ADGRL2: variants seen among roughly 807,000 people sequenced by gnomAD.
ADGRL2 encodes adhesion G protein-coupled receptor L2.
In ADGRL2, 44 loss-of-function variants were observed where a neutral mutation model predicts 157.4. That is an observed-to-expected ratio of 0.28 (90% confidence interval 0.22 to 0.36). The LOEUF is 0.36. Ranked by LOEUF, ADGRL2 falls within the 10% of genes least tolerant of loss-of-function variation. The pLI is 1.00. For synonymous variants in ADGRL2, 585 were observed against 624.7 expected (o/e 0.94, Z 0.95); for missense variants, 1,510 against 1,768.9 (o/e 0.85, Z 2.63).
intron 2 of ADGRL2, among the ~76,000 whole-genome samples, chr1:81,490,522 T>C (rs1037836660): frequency 2.0e-5 from 3 of 152,202 alleles, no homozygotes; most frequent in Non-Finnish European, 4.4e-5. Context: ...TTAAATAGTG[T>C]ACCCAAATAG....
intron 2 of ADGRL2, among the ~76,000 whole-genome samples, chr1:81,483,504 A>C (rs978909600): frequency 6.6e-6 from 1 of 152,212 alleles, no homozygotes; most frequent in Non-Finnish European, 1.5e-5. Context: ...AGCTACTTCT[A>C]TTTCAAGTAA....
At chr1:81,605,979 C>A (rs2081424154) in intron 3 of ADGRL2, among the ~76,000 whole-genome samples, 2 of 152,066 alleles carry the variant, frequency 1.3e-5, no homozygotes, top group African/African-American at 4.8e-5. Context: ...TATTAATGGC[C>A]AATTGTAAAT....
At chr1:81,878,690 A>G (rs937392534) in intron 2 of ADGRL2, among the ~76,000 whole-genome samples, 6 of 152,222 alleles carry the variant, frequency 3.9e-5, no homozygotes, top group African/African-American at 1.4e-4. Context: ...TCAAATTAAC[A>G]GGTCATTCTT....
chr1:81,470,711 T>A (rs1463124449), intron 2 of ADGRL2, among the ~76,000 whole-genome samples: 1 of 152,184 alleles, frequency 6.6e-6, no homozygotes, highest in African/African-American at 2.4e-5. Context: ...TGTCACATGA[T>A]GATGGATGTC....
intron 1 of ADGRL2, chr1:81,427,616 C>G: frequency 1.5e-6 from 1 of 658,540 alleles, no homozygotes; most frequent in Admixed American, 2.0e-5. Flanking sequence ...GTTTTGAAAA[C>G]AGCAGAAAAG....
Position 81,990,738 on chromosome 1 carries a change from G to A in ADGRL2, c.4003G>A (p.Ala1335Thr). The part of the protein sequence containing the change: ...GLELHHKELE[A>T]PLIPQRTHSL... ...GGAGCTCCATCACAAAGAACTCGAG[G>A]CACCACTTATTCCTCAGCGGACTCA... Residue 1335 changes from alanine to threonine, a missense_variant, in exon 24 of 24, where the codon GCA (alanine) becomes ACA (threonine). Ala to Thr is a moderately conservative substitution (Grantham distance 58). Coordinates refer to ENST00000686636, the MANE Select transcript of ADGRL2 (RefSeq NM_001366006.2). 1 of 1,614,038 alleles carries A rather than the reference G, an allele frequency of 6.2e-7. No homozygotes were observed. The highest frequency in any genetic ancestry group is 8.5e-7 in the Non-Finnish European group (1 of 1,180,000).
chr1:81,355,098 C>T (rs1663182713), intron 1 of ADGRL2, among the ~76,000 whole-genome samples: 1 of 152,150 alleles, frequency 6.6e-6, no homozygotes, highest in African/African-American at 2.4e-5. Flanking sequence ...TCCCAATGTT[C>T]ATAGCTTTAT....
chr1:81,737,461 T>G (rs1254134763), intron 1 of ADGRL2, among the ~76,000 whole-genome samples: 4 of 152,102 alleles, frequency 2.6e-5, no homozygotes, highest in African/African-American at 9.7e-5. Flanking sequence ...AGGGGAAATC[T>G]GCCCCCATGA....
intron 2 of ADGRL2, among the ~76,000 whole-genome samples, chr1:81,459,877 T>G (rs370738999): frequency 1.3e-5 from 2 of 151,806 alleles, no homozygotes; most frequent in African/African-American, 4.8e-5. Flanking sequence ...TGCTGGATCA[T>G]GTGGTGGCTC....
At chr1:81,708,665 C>CGT (rs2083823117) in intron 1 of ADGRL2, among the ~76,000 whole-genome samples, 3 of 150,216 alleles carry the variant, frequency 2.0e-5, no homozygotes, top group African/African-American at 7.4e-5. Context: ...TACACACACA[C>CGT]ATATATATAT....
At chr1:81,807,792 G>T (rs79056122) in intron 1 of ADGRL2, among the ~76,000 whole-genome samples, 2,717 of 151,402 alleles carry the variant, frequency 0.018, 75 homozygotes, top group African/African-American at 0.062. Flanking sequence ...AAGTATTTTT[G>T]TGTGTGTGTG....
At chr1:81,615,422 G>A (rs1462268364) in intron 3 of ADGRL2, among the ~76,000 whole-genome samples, 1 of 152,160 alleles carries the variant, frequency 6.6e-6, no homozygotes, top group Non-Finnish European at 1.5e-5. Flanking sequence ...CACTCTTTGG[G>A]TCTATGCGCC....
At chr1:81,942,821 AG>A in intron 5 of ADGRL2, 147 bp from the exon 6 acceptor site, 1 of 704,426 alleles carries the variant, frequency 1.4e-6, no homozygotes, top group Non-Finnish European at 2.6e-6. Flanking sequence ...TTAGAAAAGA[AG>A]GGTAGTATTT....
chr1:81,513,052 TA>T (rs1322019149), intron 2 of ADGRL2, among the ~76,000 whole-genome samples: 1 of 152,226 alleles, frequency 6.6e-6, no homozygotes, highest in Non-Finnish European at 1.5e-5. Flanking sequence ...AATAAATGTA[TA>T]TTTTTTATAT....
At chr1:81,562,846 T>C (rs2080474134) in intron 2 of ADGRL2, among the ~76,000 whole-genome samples, 2 of 152,158 alleles carry the variant, frequency 1.3e-5, no homozygotes, top group African/African-American at 4.8e-5. Context: ...ACCTTAAATA[T>C]TAAAGAAAAA....
rs148308522 is a variant in ADGRL2, at chr1:81,606,577, A to G, written c.-143+25597A>G. Among the ~76,000 whole-genome samples the G allele has an allele frequency of 3.3e-3, 502 of 152,218 alleles. 1 individual carries two copies. The highest frequency in any genetic ancestry group is 0.012 in the African/African-American group (481 of 41,552). The stretch of plus-strand genomic sequence containing the variant: ...TATTTGCTTGTTTTTGCTTGGTTAA[A>G]CTATTTATACCAGATACCGAAGAAT... On this transcript the variant is annotated intron_variant, in intron 3 of 24. Coordinates refer to the ADGRL2 transcript ENST00000370721.
At chr1:81,433,328 T>C (rs2077355450) in intron 1 of ADGRL2, among the ~76,000 whole-genome samples, 1 of 152,202 alleles carries the variant, frequency 6.6e-6, no homozygotes, top group African/African-American at 2.4e-5. Flanking sequence ...TCCTCCTTAT[T>C]TTTCTTAAGA....
In ADGRL2 at chr1:81,943,699, A is replaced by G. The variant is rs1166758364; in HGVS notation, c.1140A>G (p.Gln380=). ...TGGATTACAATCCAAGAGATAACCA[A>G]CTTTACGTGTGGAACAATAACTTCA... is the stretch of plus-strand genomic sequence containing the variant. ...AAVDYNPRDN[Q]LYVWNNNFIL... The change falls in exon 6 of 24, where the codon CAA becomes CAG. Residue 380 remains glutamine (Q), a synonymous_variant. Transcript: ENST00000686636. The surrounding 1 kb of genome is among the most constrained non-coding windows in gnomAD (Gnocchi z 5.6). 1.4e-5 allele frequency: 22 copies of G among 1,613,450 alleles called. No homozygotes were observed. The highest frequency in any genetic ancestry group is 1.7e-5 in the Non-Finnish European group (20 of 1,179,628).
intron 17 of ADGRL2, among the ~76,000 whole-genome samples, chr1:81,972,782 C>T (rs1032485748): frequency 6.6e-6 from 1 of 151,718 alleles, no homozygotes; most frequent in East Asian, 1.9e-4. Context: ...TGTTGAGGCA[C>T]ATTCCTGTAG....
Sources: gnomAD v4.1 joint callset for allele counts (sites outside exome capture counted in the v4.1 genomes callset) on GRCh38, gnomAD v4.1.1 for gene constraint, Gnocchi (gnomAD v3.1) non-coding constraint, MANE v1.5 for transcripts, NCBI Gene and HGNC (gene_info 2026-07-23, HGNC 2026-07-21) for gene names.